SCAPER: variants seen among roughly 807,000 people sequenced by gnomAD.
The protein encoded by SCAPER is S-phase cyclin A associated protein in the ER.
A neutral mutation model predicts 182.2 loss-of-function variants in SCAPER; 98 were observed. The ratio of observed to expected loss-of-function variants is 0.54; its 90% CI spans 0.46 to 0.64. The LOEUF is 0.64. Among genes scored for constraint, SCAPER ranks in the 30% least tolerant of loss-of-function variants. The probability of loss-of-function intolerance (pLI) is 0.00; values close to 1 mark genes in which losing one functional copy is unlikely to be tolerated. For synonymous variants in SCAPER, 605 were observed against 564.6 expected (o/e 1.07, Z -1.01); for missense variants, 1,432 against 1,690.0 (o/e 0.85, Z 2.68).
intron 4 of SCAPER, among the ~76,000 whole-genome samples, chr15:76,847,032 C>T (rs1311948700): frequency 1.3e-5 from 2 of 152,032 alleles, no homozygotes; most frequent in African/African-American, 4.8e-5. Context: ...AAATGAGATC[C>T]TGTCATTTGC....
intron 23 of SCAPER, among the ~76,000 whole-genome samples, chr15:76,546,543 C>T (rs2045300903): frequency 6.6e-6 from 1 of 151,994 alleles, no homozygotes. Context: ...AATACCCCTG[C>T]CCCCACCCAA....
chr15:76,652,369 C>CATATATATAT (rs1431041058), intron 21 of SCAPER, among the ~76,000 whole-genome samples: 44 of 13,672 alleles, frequency 3.2e-3, no homozygotes, highest in East Asian at 5.6e-3. Flanking sequence ...CACACACACA[C>CATATATATAT]ACATATATAT....
chr15:76,715,070 T>C (rs2059816345), intron 17 of SCAPER, among the ~76,000 whole-genome samples: 1 of 152,136 alleles, frequency 6.6e-6, no homozygotes, highest in African/African-American at 2.4e-5. Flanking sequence ...TGTTGAATTC[T>C]AGTTGTTAGC....
At chr15:76,648,825 G>A (rs1336096606) in intron 21 of SCAPER, among the ~76,000 whole-genome samples, 1 of 152,210 alleles carries the variant, frequency 6.6e-6, no homozygotes, top group Admixed American at 6.5e-5. Flanking sequence ...TGGTGGCCAG[G>A]CATGTTCAAC....
chr15:76,847,150 A>G (rs536471075), intron 4 of SCAPER, among the ~76,000 whole-genome samples: 28 of 152,294 alleles, frequency 1.8e-4, no homozygotes, highest in Non-Finnish European at 2.9e-4. Flanking sequence ...TACCATATCA[A>G]TTGCACTCAG....
chr15:76,570,610 G>C (rs2047368111), intron 23 of SCAPER, among the ~76,000 whole-genome samples: 1 of 152,058 alleles, frequency 6.6e-6, no homozygotes. Context: ...AAGATAGCAG[G>C]CATAGTTTTA....
intron 23 of SCAPER, among the ~76,000 whole-genome samples, chr15:76,566,320 T>C (rs1431336811): frequency 6.6e-6 from 1 of 152,126 alleles, no homozygotes; most frequent in Non-Finnish European, 1.5e-5. Context: ...AAATTGTGAT[T>C]TCACATATCT....
intron 23 of SCAPER, among the ~76,000 whole-genome samples, chr15:76,563,446 A>T (rs1342373501): frequency 1.3e-5 from 2 of 152,200 alleles, no homozygotes; most frequent in Non-Finnish European, 2.9e-5. Context: ...CTGGACACAT[A>T]CACCCTCCCA....
intron 23 of SCAPER, among the ~76,000 whole-genome samples, chr15:76,551,139 A>C (rs1319356233): frequency 6.6e-6 from 1 of 152,146 alleles, no homozygotes; most frequent in East Asian, 1.9e-4. Context: ...CCATTATGAA[A>C]ATCAGTATGG....
chr15:76,724,898 G>A (rs932822853), intron 17 of SCAPER, among the ~76,000 whole-genome samples: 6 of 152,058 alleles, frequency 3.9e-5, no homozygotes, highest in East Asian at 3.9e-4. Flanking sequence ...AGAGTAGTCC[G>A]CTGTTCTGAA....
intron 1 of SCAPER, among the ~76,000 whole-genome samples, chr15:76,890,185 T>G (rs2074085836): frequency 6.6e-6 from 1 of 152,194 alleles, no homozygotes. Context: ...GAGGGAAATT[T>G]ATAGCACTAA....
At chr15:76,366,105 A>G (rs2141792621) in intron 29 of SCAPER, among the ~76,000 whole-genome samples, 1 of 152,014 alleles carries the variant, frequency 6.6e-6, no homozygotes, top group Admixed American at 6.6e-5. Context: ...ACACACACAC[A>G]CACACACACA....
At position 76,697,688 on chromosome 15, in the gene SCAPER, A is replaced by G. The variant is rs867821543; in HGVS notation, c.2508+4070T>C. 1.4e-4 allele frequency among the ~76,000 whole-genome samples: 21 copies of G among 152,222 alleles called. No homozygotes were observed. The Middle Eastern group carries it at 0.024, about 173-fold the overall frequency. ...GAGTCTCACTCTTGTCGCCCAGGCT[A>G]GAGTGCAATGGCACAATCTCAGCTC... On this transcript the variant is annotated intron_variant, in intron 20 of 31. Coordinates refer to ENST00000563290, the MANE Select transcript of SCAPER (RefSeq NM_020843.4).
intron 23 of SCAPER, among the ~76,000 whole-genome samples, chr15:76,539,632 C>A (rs1423642492): frequency 1.3e-5 from 2 of 150,968 alleles, no homozygotes; most frequent in Non-Finnish European, 2.9e-5. Context: ...ACAGGCTCCG[C>A]CCCTTGGGGT....
intron 17 of SCAPER, among the ~76,000 whole-genome samples, chr15:76,724,426 G>A (rs1287234433): frequency 2.6e-5 from 4 of 152,080 alleles, no homozygotes; most frequent in East Asian, 1.9e-4. Flanking sequence ...TTCTCAAGGA[G>A]TATCTTTGTG....
At chr15:76,502,723 T>C (rs1231870470) in intron 24 of SCAPER, among the ~76,000 whole-genome samples, 1 of 152,056 alleles carries the variant, frequency 6.6e-6, no homozygotes, top group Non-Finnish European at 1.5e-5. Flanking sequence ...AAGTATAATT[T>C]AAAAGAAAAG....
At chr15:76,512,040 G>A in intron 23 of SCAPER, among the ~76,000 whole-genome samples, 1 of 151,386 alleles carries the variant, frequency 6.6e-6, no homozygotes, top group East Asian at 1.9e-4. Flanking sequence ...CTGACAACAT[G>A]CCCGGCTAAT....
intron 5 of SCAPER, among the ~76,000 whole-genome samples, chr15:76,813,778 T>C (rs1199858979): frequency 1.3e-5 from 2 of 152,172 alleles, no homozygotes; most frequent in East Asian, 3.8e-4. Flanking sequence ...ATCTGTACAC[T>C]GAAAACTATA....
At chr15:76,887,726 G>T (rs1353229313) in intron 1 of SCAPER, among the ~76,000 whole-genome samples, 2 of 152,216 alleles carry the variant, frequency 1.3e-5, no homozygotes, top group Non-Finnish European at 2.9e-5. Flanking sequence ...TGTGGGCAGG[G>T]CATAGCTGAA....
Sources: allele counts gnomAD v4.1 joint callset (sites outside exome capture counted in the v4.1 genomes callset), GRCh38; gene constraint gnomAD v4.1.1; transcripts MANE v1.5; gene names NCBI Gene and HGNC (gene_info 2026-07-23, HGNC 2026-07-21).